Variants in GPR146 observed in about 807,000 individuals in gnomAD.
The protein encoded by GPR146 is G protein-coupled receptor 146.
For missense variants in GPR146, 381 were observed against 213.9 expected (o/e 1.78, Z -4.87); for synonymous variants, 203 against 104.3 (o/e 1.95, Z -5.77).
chr7:1,052,486 C>CA lies in GPR146; in HGVS notation c.-24-5005dup, dbSNP rs1554303952. ...AGTGGGAGGTAGGCAGTGAAACCAGCAGTGTGACTTTGGAGGTGCTGGAGG... is the reference window on the plus strand; with the variant it reads ...AGTGGGAGGTAGGCAGTGAAACCAGCAAGTGTGACTTTGGAGGTGCTGGAGG... On this transcript the variant is annotated intron_variant, in intron 1 of 1. Transcript: ENST00000444847. The surrounding 1 kb of genome is among the most constrained non-coding windows in gnomAD (Gnocchi z 4.2). Among the ~76,000 whole-genome samples, 2 of 152,052 alleles carry CA rather than the reference C, an allele frequency of 1.3e-5. No individual in the cohort carries two copies. The highest frequency in any genetic ancestry group is 2.9e-5 in the Non-Finnish European group (2 of 67,992).
intron 1 of GPR146, among the ~76,000 whole-genome samples, chr7:1,047,732 G>C (rs1054030114): frequency 3.9e-5 from 6 of 152,212 alleles, no homozygotes; most frequent in African/African-American, 1.4e-4. Flanking sequence ...GCAGTGCCTG[G>C]GGCCTCGCAG....
At chr7:1,049,703 A>G (rs944654955) in intron 1 of GPR146, among the ~76,000 whole-genome samples, 2 of 152,266 alleles carry the variant, frequency 1.3e-5, no homozygotes, top group East Asian at 3.9e-4. Context: ...ACATTCCCTC[A>G]TGTCAGGTAG....
Position 1,057,717 on chromosome 7 carries a change from A to T in GPR146, c.202A>T (p.Asn68Tyr). The change falls in exon 2 of 2, where the codon AAC becomes TAC. Residue 68 changes from asparagine to tyrosine, a missense_variant. Physicochemically the swap from Asn to Tyr is moderately radical, Grantham distance 143. Transcript: ENST00000444847. ...GACCATGCCGGACGTGTACTTTGTC[A>T]ACATGGCAGTGGCAGGCCTGGTGCT... The part of the protein sequence containing the change: ...SMTMPDVYFV[N>Y]MAVAGLVLSA... 1.3e-6 allele frequency: 1 copy of T among 776,134 alleles called. No homozygotes were observed. Among genetic ancestry groups the T allele is most frequent in the East Asian group, 2.4e-5 (1 of 41,204 alleles). The allele number at this position is 776,134 out of a possible 1,614,324, so 48.1% of individuals were successfully genotyped here. A position where few individuals can be genotyped will look rare whatever the true frequency, so the allele number is the denominator to read the frequency against.
Position 1,052,371 on chromosome 7 carries a change from C to T in GPR146, c.-24-5121C>T, listed in dbSNP as rs911170349. Among the ~76,000 whole-genome samples the T allele has an allele frequency of 1.3e-5, 2 of 152,178 alleles. No homozygotes were observed. Among genetic ancestry groups the T allele is most frequent in the African/African-American group, 4.8e-5 (2 of 41,460 alleles). On this transcript the variant is annotated intron_variant, in intron 1 of 1. Coordinates refer to ENST00000444847, the MANE Select transcript of GPR146 (RefSeq NM_001303473.2). The surrounding 1 kb of genome is among the most constrained non-coding windows in gnomAD (Gnocchi z 4.2). ...GGCCTTGGGGCTGCTTGTGCTGGCA[C>T]CGACGTGGGCCTGGGGAGGGACCTG...
intron 1 of GPR146, among the ~76,000 whole-genome samples, chr7:1,053,720 G>A (rs190370924): frequency 1.2e-4 from 19 of 152,304 alleles, no homozygotes; most frequent in South Asian, 8.3e-4. Flanking sequence ...CCAGCTATTC[G>A]GGAGGCTGAG....
chr7:1,054,855 G>A (rs559200056), intron 1 of GPR146, among the ~76,000 whole-genome samples: 2 of 152,340 alleles, frequency 1.3e-5, no homozygotes, highest in East Asian at 3.9e-4. Flanking sequence ...ACCTGCCCTC[G>A]GCCTCCGCTG....
chr7:1,047,682 G>A (rs903691164), intron 1 of GPR146, among the ~76,000 whole-genome samples: 1 of 152,266 alleles, frequency 6.6e-6, no homozygotes, highest in Non-Finnish European at 1.5e-5. Context: ...GCCAGGAGCT[G>A]GCCGTGGCCT....
chr7:1,053,316 AG>A (rs1276576392), intron 1 of GPR146, among the ~76,000 whole-genome samples: 15 of 152,216 alleles, frequency 9.9e-5, no homozygotes, highest in African/African-American at 2.9e-4. Flanking sequence ...ACGGCGGGGG[AG>A]GGGCGTCCAC....
Position 1,053,156 on chromosome 7 carries a change from T to TGGG in GPR146, c.-24-4335_-24-4333dup, listed in dbSNP as rs1554304167. ...CCGGCAGCCAGGAAAAGGAAGTCTC[T>TGGG]GGGCACAGAGGCAAGCGGGAGACCA... is the stretch of plus-strand genomic sequence containing the variant. On this transcript the variant is annotated intron_variant, in intron 1 of 1. Transcript: ENST00000444847. Among the ~76,000 whole-genome samples, 33 of 152,278 alleles carry TGGG rather than the reference T, an allele frequency of 2.2e-4. 1 individual carries two copies. In the East Asian group the frequency reaches 4.5e-3, roughly 21 times the overall value.
intron 1 of GPR146, among the ~76,000 whole-genome samples, chr7:1,046,899 A>G (rs568163663): frequency 1.3e-5 from 2 of 152,354 alleles, no homozygotes; most frequent in South Asian, 2.1e-4. Context: ...CAAGGTGGTG[A>G]TAAGATCTGC....
intron 1 of GPR146, among the ~76,000 whole-genome samples, chr7:1,057,242 C>G (rs1234914675): frequency 6.6e-6 from 1 of 152,196 alleles, no homozygotes; most frequent in African/African-American, 2.4e-5. Context: ...GTGGGGCACA[C>G]CAGGCTCCCT....
intron 1 of GPR146, chr7:1,055,337 T>C (rs1783617488): frequency 2.1e-6 from 1 of 470,928 alleles, no homozygotes; most frequent in African/African-American, 2.0e-5. Context: ...CCAGGCGCGC[T>C]GCTGATAAGA....
intron 1 of GPR146, among the ~76,000 whole-genome samples, 172 bp from the exon 2 acceptor site, chr7:1,057,320 G>A (rs1783913774): frequency 6.6e-6 from 1 of 152,112 alleles, no homozygotes; most frequent in Admixed American, 6.5e-5. Context: ...GACCCGAGAC[G>A]GCCATTTTTC....
chr7:1,045,406 G>A (rs1054218114), intron 1 of GPR146: 15 of 152,334 alleles, frequency 9.8e-5, no homozygotes, highest in African/African-American at 3.6e-4. Context: ...GCCAGCTCCT[G>A]TCCACACGGA....
At chr7:1,047,474 G>C (rs1354180859) in intron 1 of GPR146, among the ~76,000 whole-genome samples, 4 of 152,244 alleles carry the variant, frequency 2.6e-5, no homozygotes, top group Non-Finnish European at 4.4e-5. Context: ...GTGTGCGTAA[G>C]CTCTCCACGT....
At chr7:1,057,302 C>T (rs1176335623) in intron 1 of GPR146, among the ~76,000 whole-genome samples, 190 bp from the exon 2 acceptor site, 1 of 152,216 alleles carries the variant, frequency 6.6e-6, no homozygotes, top group East Asian at 1.9e-4. Flanking sequence ...ACAGCAGCCC[C>T]CGGTCACGAC....
At chr7:1,044,982 C>G (rs145911172) in intron 1 of GPR146, among the ~76,000 whole-genome samples, 13 of 152,404 alleles carry the variant, frequency 8.5e-5, no homozygotes, top group African/African-American at 3.1e-4. Context: ...TGATCCTGCT[C>G]TCCTGGGCCA....
Position 1,051,616 on chromosome 7 carries a change from G to A in GPR146, c.-24-5876G>A, listed in dbSNP as rs377727987. Among the ~76,000 whole-genome samples the A allele has an allele frequency of 7.9e-5, 12 of 152,330 alleles. No individual in the cohort carries two copies. In the East Asian group the frequency reaches 1.7e-3, roughly 22 times the overall value. On this transcript the variant is annotated intron_variant, in intron 1 of 1. Transcript: ENST00000444847. The stretch of plus-strand genomic sequence containing the variant: ...GTCAGATATCTCCCGCATGTCAGCC[G>A]CCACTGGATTGGGAAGGACGGGCAG...
rs778920240 is a variant in GPR146 at position 1,058,321 on chromosome 7, A to T, written c.806A>T (p.His269Leu). 3 of 777,062 alleles carry T rather than the reference A, an allele frequency of 3.9e-6. No individual in the cohort carries two copies. Among genetic ancestry groups the T allele is most frequent in the Non-Finnish European group, 4.8e-6 (2 of 418,092 alleles). The allele number at this position is 777,062 out of a possible 1,614,324, so 48.1% of individuals were successfully genotyped here. Residue 269 changes from histidine to leucine, a missense_variant, in exon 2 of 2, where the codon CAC (histidine) becomes CTC (leucine). His to Leu is a moderately conservative substitution (Grantham distance 99). Coordinates refer to ENST00000444847, the MANE Select transcript of GPR146 (RefSeq NM_001303473.2). ...TCGCGAGGGAAGCCCGTGGACGCAC[A>T]CTACCTGGGGCTACTGCACTTTGTG... ...IISRGKPVDA[H>L]YLGLLHFVKD...
Sources: allele counts gnomAD v4.1 joint callset (sites outside exome capture counted in the v4.1 genomes callset), GRCh38; gene constraint gnomAD v4.1.1; non-coding constraint Gnocchi (gnomAD v3.1); transcripts MANE v1.5; gene names NCBI Gene and HGNC (gene_info 2026-07-23, HGNC 2026-07-21).